ATRX: variants seen among roughly 807,000 people sequenced by gnomAD.
ATRX encodes ATRX chromatin remodeler, also known as chromatin remodeler ATRX.
Under a neutral mutation model 172.6 loss-of-function variants are expected in ATRX, and 12 were observed. The ratio of observed to expected loss-of-function variants is 0.07; its 90% CI spans 0.04 to 0.11. ATRX has a LOEUF of 0.11. Ranked by LOEUF, ATRX falls within the 10% of genes least tolerant of loss-of-function variation. The pLI, the probability that ATRX is intolerant of heterozygous loss-of-function variation, is 1.00. For synonymous variants in ATRX, 674 were observed against 594.7 expected, an observed-to-expected ratio of 1.13 and a Z score of -1.94; for missense variants, 1,368 against 1,767.4, an observed-to-expected ratio of 0.77 and a Z score of 4.05.
chrX:77,600,317 A>G (rs2066628035), intron 23 of ATRX, 117 bp downstream of exon 23: 3 of 857,134 alleles, frequency 3.5e-6, no homozygotes, highest in Non-Finnish European at 5.1e-6. Flanking sequence ...AATTAGAAAT[A>G]AGACATAGAA....
chrX:77,738,979 G>C (rs1296091290), intron 1 of ATRX, among the ~76,000 whole-genome samples: 2 of 111,466 alleles, frequency 1.8e-5, no homozygotes, highest in African/African-American at 6.5e-5. Flanking sequence ...ATTTACATTT[G>C]CAATTTTTTT....
At position 77,684,305 on chromosome X, in the gene ATRX, T is replaced by C; in HGVS notation, c.951A>G (p.Pro317=). Residue 317 remains proline (P), a synonymous_variant, in exon 9 of 35, where the codon CCA becomes CCG. Transcript: ENST00000373344. ...CATTACAATTTGAACTAGTCTTCTT[T>C]GGAGAAAATCTGGATGTATGTTCAT... ...KVYEHTSRFS[P]KKTSSNCNGE... is the part of the protein sequence containing the mutation. 24 of 1,209,431 alleles carry C rather than the reference T, an allele frequency of 2.0e-5. No homozygotes were observed. Among genetic ancestry groups the C allele is most frequent in the Non-Finnish European group, 2.6e-5 (23 of 893,333 alleles).
intron 33 of ATRX, 104 bp from the exon 34 acceptor site, chrX:77,521,020 T>C (rs1393947193): frequency 1.2e-6 from 1 of 842,921 alleles, no homozygotes; most frequent in Non-Finnish European, 1.7e-6. Flanking sequence ...CAAACCCCCC[T>C]TTTCCTTTAT....
At chrX:77,553,719 C>G (rs1360580190) in intron 30 of ATRX, among the ~76,000 whole-genome samples, 1 of 111,974 alleles carries the variant, frequency 8.9e-6, no homozygotes, top group African/African-American at 3.2e-5. Context: ...GCAATGCAAA[C>G]AGTTACCCAG....
chrX:77,657,535 A>C (rs1437782791), intron 12 of ATRX, among the ~76,000 whole-genome samples: 1 of 111,788 alleles, frequency 8.9e-6, no homozygotes, highest in Non-Finnish European at 1.9e-5. Flanking sequence ...CCAAAGCTAG[A>C]ACAATTTGAG....
At chrX:77,652,637 T>C (rs1441209277) in intron 14 of ATRX, among the ~76,000 whole-genome samples, 2 of 104,978 alleles carry the variant, frequency 1.9e-5, no homozygotes, top group African/African-American at 7.0e-5. Flanking sequence ...CCGTCTCTAC[T>C]AAAAATACAA....
chrX:77,591,172 C>T (rs1267940802), intron 26 of ATRX, among the ~76,000 whole-genome samples: 3 of 111,598 alleles, frequency 2.7e-5, no homozygotes, highest in African/African-American at 9.8e-5. Context: ...TTAGGCATTA[C>T]GGGAGAAGGA....
At position 77,752,992 on chromosome X, in the gene ATRX, A is replaced by G. The variant is rs146182326; in HGVS notation, c.20+32990T>C. On this transcript the variant is annotated intron_variant, in intron 1 of 34. Coordinates refer to ENST00000373344, the MANE Select transcript of ATRX (RefSeq NM_000489.6). The stretch of plus-strand genomic sequence containing the variant: ...TGATGCTTGCCTCATAAAATGAGTT[A>G]GGAAGGAATCCTTCTTTTTCTATTG... 8.4e-4 allele frequency among the ~76,000 whole-genome samples: 94 copies of G among 111,740 alleles called. No homozygotes were observed. The East Asian group carries it at 0.02, about 24-fold the overall frequency.
intron 1 of ATRX, among the ~76,000 whole-genome samples, chrX:77,784,929 T>A (rs1178843047): frequency 8.9e-6 from 1 of 111,796 alleles, no homozygotes; most frequent in African/African-American, 3.2e-5. Flanking sequence ...CAAGGATGCA[T>A]CTCCGAGTAA....
intron 30 of ATRX, among the ~76,000 whole-genome samples, chrX:77,533,024 T>C (rs2063631075): frequency 8.9e-6 from 1 of 111,909 alleles, no homozygotes; most frequent in Non-Finnish European, 1.9e-5. Context: ...TTGTAGCCTA[T>C]AAACATATGA....
intron 2 of ATRX, among the ~76,000 whole-genome samples, chrX:77,703,294 T>G (rs1157524171): frequency 1.8e-5 from 2 of 112,952 alleles, no homozygotes; most frequent in African/African-American, 6.4e-5. Flanking sequence ...TACTGGCCTG[T>G]GTCCTATGAT....
In ATRX at chrX:77,683,256, G is replaced by A. The variant is rs61752457; in HGVS notation, c.2000C>T (p.Pro667Leu). ...PRVKTTPLRR[P>L]TETNPVTSNS... ...AGATGTTACAGGGTTAGTTTCTGTC[G>A]GTCGCCTCAAGGGTGTAGTCTTTAC... is the stretch of plus-strand genomic sequence containing the variant. The change falls in exon 9 of 35, where the codon CCG (proline) becomes CTG (leucine). Residue 667 changes from proline to leucine, a missense_variant. Around this residue, in one of 17 missense-constraint regions of ATRX, gnomAD observed 843 missense variants for 643.1 expected, o/e 1.31. Coordinates refer to ENST00000373344, the MANE Select transcript of ATRX (RefSeq NM_000489.6). 799 of 1,208,723 alleles carry A rather than the reference G, an allele frequency of 6.6e-4. 6 individuals carry two copies. The South Asian group carries it at 0.012, about 18-fold the overall frequency.
At chrX:77,723,681 A>G (rs980661978) in intron 1 of ATRX, among the ~76,000 whole-genome samples, 8 of 111,565 alleles carry the variant, frequency 7.2e-5, no homozygotes, top group Admixed American at 4.8e-4. Context: ...GACCTGAGGA[A>G]ATGATGCTAC....
intron 9 of ATRX, among the ~76,000 whole-genome samples, chrX:77,680,401 T>TA (rs782758695): frequency 8.9e-6 from 1 of 111,732 alleles, no homozygotes; most frequent in South Asian, 3.7e-4. Flanking sequence ...AAAGTTTTAT[T>TA]AAAAAACAAG....
At chrX:77,579,658 C>T (rs2065759476) in intron 27 of ATRX, among the ~76,000 whole-genome samples, 1 of 111,760 alleles carries the variant, frequency 8.9e-6, no homozygotes, top group Admixed American at 9.5e-5. Context: ...ACCCAAGTCC[C>T]TTCAAATACC....
chrX:77,649,487 T>TA (rs1166094901), intron 15 of ATRX, among the ~76,000 whole-genome samples: 3 of 112,199 alleles, frequency 2.7e-5, no homozygotes, highest in African/African-American at 9.7e-5. Flanking sequence ...AACGAGTAAG[T>TA]AAATTTAGAG....
At chrX:77,615,179 C>T (rs1462351308) in intron 22 of ATRX, among the ~76,000 whole-genome samples, 1 of 110,432 alleles carries the variant, frequency 9.1e-6, no homozygotes, top group Admixed American at 9.7e-5. Context: ...TTTGATTTTT[C>T]GTGGAGATAA....
chrX:77,718,368 CTTT>C (rs543544690), intron 1 of ATRX, among the ~76,000 whole-genome samples: 2 of 89,384 alleles, frequency 2.2e-5, no homozygotes, highest in Non-Finnish European at 2.2e-5. Flanking sequence ...AGCATCAACT[CTTT>C]TTTTTTTTTT....
chrX:77,663,641 G>T, intron 11 of ATRX, 83 bp from the exon 12 acceptor site: 1 of 834,381 alleles, frequency 1.2e-6, no homozygotes, highest in Non-Finnish European at 1.7e-6. Context: ...GACAACTACT[G>T]CAACTTATGA....
Sources: allele counts gnomAD v4.1 joint callset (sites outside exome capture counted in the v4.1 genomes callset), GRCh38; gene constraint gnomAD v4.1.1; regional missense constraint gnomAD v4.1.1; transcripts MANE v1.5; gene names NCBI Gene and HGNC (gene_info 2026-07-23, HGNC 2026-07-21).